GSTO2: variants seen among roughly 807,000 people sequenced by gnomAD.
GSTO2 encodes the protein glutathione S-transferase omega 2, also known as glutathione S-transferase omega-2.
A neutral mutation model predicts 28.4 loss-of-function variants in GSTO2; 23 were observed. The observed-to-expected ratio is 0.81, with a 90% CI of 0.58 to 1.15. GSTO2 has a LOEUF of 1.15. Among genes scored for constraint, GSTO2 ranks in the 50% most tolerant of loss-of-function variants. The pLI, the probability that GSTO2 is intolerant of heterozygous loss-of-function variation, is 0.00. For missense variants in GSTO2, 298 were observed against 297.8 expected, an observed-to-expected ratio of 1.00 and a Z score of 0.00; for synonymous variants, 109 against 111.0, an observed-to-expected ratio of 0.98 and a Z score of 0.11.
rs1335093530 is a variant in GSTO2, at chr10:104,303,368, T to C, written c.*4084T>C. 1 of 152,254 alleles carries C rather than the reference T, an allele frequency of 6.6e-6. No individual in the cohort carries two copies. The highest frequency in any genetic ancestry group is 1.5e-5 in the Non-Finnish European group (1 of 68,040). 9.4% of individuals were successfully genotyped at this position (152,254 alleles called of 1,614,324 possible). ...ACTGGAGCAAAGGTCACTTTTGTTA[T>C]GCTTTAGCAAAGAACTTGGCTGCAT... On this transcript the variant is annotated 3_prime_UTR_variant, in exon 7 of 7. Transcript: ENST00000338595.
chr10:104,296,691 C>G (rs2013047562), intron 5 of GSTO2: 1 of 150,138 alleles, frequency 6.7e-6, no homozygotes, highest in African/African-American at 2.4e-5. Context: ...ATAGGATGCT[C>G]TTTCCTGCCT....
In GSTO2 at chr10:104,300,002, G is replaced by A. The variant is rs149585275; in HGVS notation, c.*718G>A. On this transcript the variant is annotated 3_prime_UTR_variant, in exon 7 of 7. Coordinates refer to ENST00000338595, the MANE Select transcript of GSTO2 (RefSeq NM_183239.2). Reference sequence around the variant, plus strand: ...CCTGGTGAAAGCTTAAGAAGAGGGAGAAGGAAGAAGAAAACACTCCAAACC... The same window carrying A: ...CCTGGTGAAAGCTTAAGAAGAGGGAAAAGGAAGAAGAAAACACTCCAAACC... The A allele has an allele frequency of 3.3e-5, 5 of 152,542 alleles. No individual in the cohort carries two copies. The East Asian group carries it at 7.7e-4, about 24-fold the overall frequency. 9.4% of individuals were successfully genotyped at this position (152,542 alleles called of 1,614,324 possible). A position where few individuals can be genotyped will look rare whatever the true frequency, so the allele number is the denominator to read the frequency against.
chr10:104,294,810 G>A (rs118160006), intron 5 of GSTO2, among the ~76,000 whole-genome samples: 5 of 152,260 alleles, frequency 3.3e-5, no homozygotes, highest in Non-Finnish European at 7.4e-5. Flanking sequence ...GTGTCCATCA[G>A]ATCATGTATA....
chr10:104,299,226 G>T lies in GSTO2; in HGVS notation c.674G>T (p.Gly225Val). 1.2e-6 allele frequency: 2 copies of T among 1,614,174 alleles called. No individual in the cohort carries two copies. Among genetic ancestry groups the T allele is most frequent in the Non-Finnish European group, 1.7e-6 (2 of 1,180,030 alleles). ...CTCATGGATAAGAGCATTTTCCAGG[G>T]CTTCTTGAATCTCTATTTTCAGAAC... ...ALLMDKSIFQ[G>V]FLNLYFQNNP... The change falls in exon 7 of 7, where the codon GGC becomes GTC. Residue 225 changes from glycine (G) to valine (V), a missense_variant. Physicochemically the swap from Gly to Val is moderately radical, Grantham distance 109. Transcript: ENST00000338595.
rs562052337 is a variant in GSTO2 at position 104,283,496 on chromosome 10, C to T, written c.468+4025C>T. On this transcript the variant is annotated intron_variant, in intron 5 of 6. Transcript: ENST00000338595. The stretch of plus-strand genomic sequence containing the variant: ...AAAACATGAACTGGTCATGGCAGTG[C>T]GGGTCTGTAGTCCCACCTTCTCTGG... Among the ~76,000 whole-genome samples the T allele has an allele frequency of 4.6e-5, 7 of 152,202 alleles. No individual in the cohort carries two copies. The East Asian group carries it at 5.8e-4, about 13-fold the overall frequency.
At chr10:104,286,060 A>C (rs946775552) in intron 5 of GSTO2, 4 of 218,342 alleles carry the variant, frequency 1.8e-5, no homozygotes, top group Non-Finnish European at 3.9e-5. Flanking sequence ...CTATAAACTA[A>C]ATTCATTATT....
chr10:104,275,137 T>C, intron 2 of GSTO2, 89 bp from the exon 3 acceptor site: 1 of 1,525,432 alleles, frequency 6.6e-7, no homozygotes. Context: ...CCCACAGCCA[T>C]CTTGGGATCT....
chr10:104,288,720 T>A (rs2012596093), intron 5 of GSTO2, among the ~76,000 whole-genome samples: 1 of 152,244 alleles, frequency 6.6e-6, no homozygotes, highest in South Asian at 2.1e-4. Flanking sequence ...GCTTTGCCTA[T>A]CTGGCCATCA....
intron 5 of GSTO2, among the ~76,000 whole-genome samples, chr10:104,287,057 C>T (rs2012476778): frequency 1.3e-5 from 2 of 152,170 alleles, no homozygotes; most frequent in African/African-American, 4.8e-5. Context: ...CCCACACCCC[C>T]TGCCATTTTA....
intron 1 of GSTO2, among the ~76,000 whole-genome samples, chr10:104,270,766 G>C (rs543218969): frequency 2.6e-5 from 4 of 151,758 alleles, no homozygotes; most frequent in African/African-American, 9.8e-5. Flanking sequence ...CTCCAGTCCA[G>C]TTTCTGCTAC....
intron 3 of GSTO2, among the ~76,000 whole-genome samples, chr10:104,277,247 G>T (rs749146936): frequency 6.6e-6 from 1 of 151,544 alleles, no homozygotes; most frequent in African/African-American, 2.4e-5. Flanking sequence ...ATGGTTAAGT[G>T]TGTGAGCTCT....
At position 104,301,279 on chromosome 10, in the gene GSTO2, C is replaced by G. The variant is rs898191194; in HGVS notation, c.*1995C>G. On this transcript the variant is annotated 3_prime_UTR_variant, in exon 7 of 7. Transcript: ENST00000338595. ...TCTGGCTCACCAAAATGAAGGTGTT[C>G]TCTTTTGGGGCTCCGCACACTAATT... 2.0e-5 allele frequency: 3 copies of G among 152,226 alleles called. No individual in the cohort carries two copies. The highest frequency in any genetic ancestry group is 7.2e-5 in the African/African-American group (3 of 41,462). The allele number at this position is 152,226 out of a possible 1,614,324, so 9.4% of individuals were successfully genotyped here. A position where few individuals can be genotyped will look rare whatever the true frequency, so the allele number is the denominator to read the frequency against.
rs751114004 is a variant in GSTO2, at chr10:104,278,079, G to A, written c.329G>A (p.Arg110Gln). 1.8e-5 allele frequency: 29 copies of A among 1,614,102 alleles called. No homozygotes were observed. In the South Asian group the frequency reaches 2.0e-4, roughly 11 times the overall value. Reference sequence around the variant, plus strand: ...CTGTTTCCATATGACCCTTATGAACGAGCTCGCCAAAAGATGTTATTGGAG... The same window carrying A: ...CTGTTTCCATATGACCCTTATGAACAAGCTCGCCAAAAGATGTTATTGGAG... ...RKLFPYDPYE[R>Q]ARQKMLLELF... Residue 110 changes from arginine to glutamine, a missense_variant, in exon 4 of 7, where the codon CGA becomes CAA. By Grantham distance (43) the Arg-to-Gln change is conservative. Transcript: ENST00000338595.
At chr10:104,278,347 G>A (rs2011774275) in intron 4 of GSTO2, among the ~76,000 whole-genome samples, 2 of 152,222 alleles carry the variant, frequency 1.3e-5, no homozygotes, top group South Asian at 2.1e-4. Context: ...GTATGGTTAT[G>A]ACATGGCAAT....
At position 104,299,995 on chromosome 10, in the gene GSTO2, AGAG is replaced by A. The variant is rs1438676065; in HGVS notation, c.*713_*715del. On this transcript the variant is annotated 3_prime_UTR_variant, in exon 7 of 7. Transcript: ENST00000338595. Reference sequence around the variant, plus strand: ...AGACCTCCCTGGTGAAAGCTTAAGAAGAGGGAGAAGGAAGAAGAAAACACTCCA... The same window carrying A: ...AGACCTCCCTGGTGAAAGCTTAAGAAGGAGAAGGAAGAAGAAAACACTCCA... The A allele has an allele frequency of 6.6e-6, 1 of 152,440 alleles. No homozygotes were observed. Among genetic ancestry groups the A allele is most frequent in the Non-Finnish European group, 1.5e-5 (1 of 68,238 alleles). The allele number at this position is 152,440 out of a possible 1,614,324, so 9.4% of individuals were successfully genotyped here. A position where few individuals can be genotyped will look rare whatever the true frequency, so the allele number is the denominator to read the frequency against.
chr10:104,300,377 A>C lies in GSTO2; in HGVS notation c.*1093A>C, dbSNP rs571640398. 6 of 152,412 alleles carry C rather than the reference A, an allele frequency of 3.9e-5. No individual in the cohort carries two copies. The highest frequency in any genetic ancestry group is 1.4e-4 in the African/African-American group (6 of 41,596). 9.4% of individuals were successfully genotyped at this position (152,412 alleles called of 1,614,324 possible). ...TGCCTCTGGTTGCCTGTTGTGTACC[A>C]AGCCCAGGGGCACACTGGGGATAAA... On this transcript the variant is annotated 3_prime_UTR_variant, in exon 7 of 7. Transcript: ENST00000338595.
intron 5 of GSTO2, among the ~76,000 whole-genome samples, chr10:104,294,659 T>C (rs1177726439): frequency 3.3e-5 from 5 of 152,162 alleles, no homozygotes; most frequent in Non-Finnish European, 7.3e-5. Flanking sequence ...GTGAGGGAAA[T>C]GTGTATGTGC....
At chr10:104,273,040 A>G (rs1159501359) in intron 1 of GSTO2, among the ~76,000 whole-genome samples, 1 of 152,048 alleles carries the variant, frequency 6.6e-6, no homozygotes, top group Non-Finnish European at 1.5e-5. Flanking sequence ...CTATGGATAT[A>G]TTTTTCTCAA....
intron 5 of GSTO2, among the ~76,000 whole-genome samples, chr10:104,291,876 G>A (rs2012790823): frequency 1.3e-5 from 2 of 152,232 alleles, no homozygotes; most frequent in Admixed American, 1.3e-4. Context: ...TAAAGGGGAA[G>A]TAATTTTACA....
Sources: allele counts gnomAD v4.1 joint callset (sites outside exome capture counted in the v4.1 genomes callset), GRCh38; gene constraint gnomAD v4.1.1; transcripts MANE v1.5; gene names NCBI Gene and HGNC (gene_info 2026-07-23, HGNC 2026-07-21).